Variants in TPST2 observed in about 807,000 individuals in gnomAD.
The protein encoded by TPST2 is tyrosylprotein sulfotransferase 2, also known as protein-tyrosine sulfotransferase 2.
Under a neutral mutation model 27.8 loss-of-function variants are expected in TPST2, and 16 were observed. That is an observed-to-expected ratio of 0.58 (90% CI 0.39 to 0.88). TPST2 has a LOEUF of 0.88. Among genes scored for constraint, TPST2 ranks in the 40% least tolerant of loss-of-function variants. TPST2 has a pLI of 0.00. For synonymous variants in TPST2, 229 were observed against 231.7 expected, an observed-to-expected ratio of 0.99 and a Z score of 0.10; for missense variants, 464 against 543.1, an observed-to-expected ratio of 0.85 and a Z score of 1.45.
intron 5 of TPST2, 51 bp downstream of exon 5, chr22:26,532,644 G>A (rs1242826806): frequency 5.7e-6 from 9 of 1,573,834 alleles, no homozygotes; most frequent in Admixed American, 5.1e-5. Context: ...CAGCCAGATG[G>A]TGGTATAGCT....
chr22:26,586,213 T>A (rs2145944162), intron 1 of TPST2, among the ~76,000 whole-genome samples: 1 of 152,094 alleles, frequency 6.6e-6, no homozygotes. Context: ...CGTCTCCATG[T>A]CCCTAGGCTG....
chr22:26,588,218 G>T (rs938879700), intron 1 of TPST2, among the ~76,000 whole-genome samples: 1 of 148,664 alleles, frequency 6.7e-6, no homozygotes, highest in African/African-American at 2.5e-5. Flanking sequence ...AAAAAGGAAT[G>T]AAGTACTGAT....
chr22:26,529,665 T>G (rs1021724453), intron 5 of TPST2, among the ~76,000 whole-genome samples: 1 of 152,228 alleles, frequency 6.6e-6, no homozygotes, highest in African/African-American at 2.4e-5. Context: ...GGCATGGATG[T>G]TCTGTGACCC....
intron 2 of TPST2, among the ~76,000 whole-genome samples, chr22:26,543,847 G>C (rs1432730433): frequency 6.6e-6 from 1 of 152,158 alleles, no homozygotes; most frequent in Non-Finnish European, 1.5e-5. Flanking sequence ...AGAAAAAGCA[G>C]GGTGACTTGG....
intron 2 of TPST2, among the ~76,000 whole-genome samples, chr22:26,542,326 T>A (rs1188004173): frequency 6.7e-6 from 1 of 148,644 alleles, no homozygotes; most frequent in East Asian, 2.0e-4. Context: ...GCTCAAGCAA[T>A]CCTCTGCCTC....
intron 1 of TPST2, among the ~76,000 whole-genome samples, chr22:26,558,913 A>G (rs1355066197): frequency 6.6e-6 from 1 of 152,252 alleles, no homozygotes; most frequent in Non-Finnish European, 1.5e-5. Flanking sequence ...GCTAAGCCAC[A>G]CTGGAGCCAA....
intron 4 of TPST2, among the ~76,000 whole-genome samples, chr22:26,533,020 A>C (rs535166537): frequency 6.6e-6 from 1 of 152,162 alleles, no homozygotes; most frequent in African/African-American, 2.4e-5. Context: ...AAACACAGAT[A>C]AACAAGGACA....
intron 1 of TPST2, among the ~76,000 whole-genome samples, chr22:26,569,725 G>C (rs193020066): frequency 2.0e-5 from 3 of 152,058 alleles, no homozygotes; most frequent in Non-Finnish European, 2.9e-5. Flanking sequence ...TGAGGCAGGA[G>C]GATCACCTGA....
intron 4 of TPST2, among the ~76,000 whole-genome samples, chr22:26,533,794 C>T (rs538022319): frequency 2.0e-5 from 3 of 152,108 alleles, no homozygotes; most frequent in South Asian, 2.1e-4. Context: ...CCCACCTCAG[C>T]CTTCTGAGTA....
chr22:26,548,722 A>G (rs1266762717), intron 1 of TPST2, among the ~76,000 whole-genome samples: 1 of 139,582 alleles, frequency 7.2e-6, no homozygotes, highest in Non-Finnish European at 1.6e-5. Context: ...CAGCACTTTG[A>G]GGGCTGAGGC....
intron 1 of TPST2, among the ~76,000 whole-genome samples, chr22:26,572,593 G>T (rs1474100877): frequency 5.3e-5 from 8 of 152,088 alleles, no homozygotes; most frequent in Non-Finnish European, 1.2e-4. Flanking sequence ...CTCAGCTAAA[G>T]TATCTCCTTC....
rs761692971 is a variant in TPST2, at chr22:26,541,329, C to T, written c.302G>A (p.Arg101His). The stretch of plus-strand genomic sequence containing the variant: ...CATGGCCAGCACGCGCGGGATGATG[C>T]GGGTCTCCTCGCCGCAGCGCACCTC... The part of the protein sequence containing the change: ...HPEVRCGEET[R>H]IIPRVLAMRQ... The change falls in exon 3 of 7, where the codon CGC becomes CAC. Residue 101 changes from arginine (R) to histidine (H), a missense_variant. Physicochemically the swap from Arg to His is conservative, Grantham distance 29. Coordinates refer to ENST00000338754, the MANE Select transcript of TPST2 (RefSeq NM_003595.5). The surrounding 1 kb of genome is among the most constrained non-coding windows in gnomAD (Gnocchi z 5.9). 2 of 1,547,692 alleles carry T rather than the reference C, an allele frequency of 1.3e-6. No individual in the cohort carries two copies. The highest frequency in any genetic ancestry group is 1.7e-6 in the Non-Finnish European group (2 of 1,145,150).
intron 1 of TPST2, among the ~76,000 whole-genome samples, chr22:26,580,750 G>A (rs1928069426): frequency 6.6e-6 from 1 of 152,102 alleles, no homozygotes; most frequent in Non-Finnish European, 1.5e-5. Context: ...CAAAGGAGCC[G>A]GTTGTGTCCG....
chr22:26,588,511 C>A (rs1185110922), intron 1 of TPST2, among the ~76,000 whole-genome samples: 22 of 152,162 alleles, frequency 1.4e-4, no homozygotes. Flanking sequence ...GAAACATATA[C>A]TTTAAAAGGG....
At chr22:26,571,787 G>T (rs944550898) in intron 1 of TPST2, among the ~76,000 whole-genome samples, 1 of 152,122 alleles carries the variant, frequency 6.6e-6, no homozygotes, top group African/African-American at 2.4e-5. Flanking sequence ...AGAAACCCAA[G>T]ATCATGAACC....
chr22:26,536,354 A>G lies in TPST2; in HGVS notation c.975T>C (p.Tyr325=), dbSNP rs1405150976. 1 of 1,611,970 alleles carries G rather than the reference A, an allele frequency of 6.2e-7. No homozygotes were observed. The highest frequency in any genetic ancestry group is 8.5e-7 in the Non-Finnish European group (1 of 1,178,048). ...QIAPMLAQLG[Y]DPYANPPNYG... The stretch of plus-strand genomic sequence containing the variant: ...AGTTGGGGGGGTTTGCATAAGGGTC[A>G]TAGCCGAGCTGAGCCAGCATGGGGG... The change falls in exon 4 of 7, where the codon TAT becomes TAC. Residue 325 remains tyrosine (Y), a synonymous_variant. Coordinates refer to ENST00000338754, the MANE Select transcript of TPST2 (RefSeq NM_003595.5).
chr22:26,561,054 A>C, intron 1 of TPST2: 1 of 1,587,406 alleles, frequency 6.3e-7, no homozygotes, highest in South Asian at 1.1e-5. Context: ...GGGAGTTGTC[A>C]AGGCTGAAAA....
At chr22:26,548,530 G>C (rs1203440075) in intron 1 of TPST2, among the ~76,000 whole-genome samples, 1 of 35,162 alleles carries the variant, frequency 2.8e-5, no homozygotes, top group Non-Finnish European at 5.4e-5. Context: ...AAGAAGAAAA[G>C]CAAGGAAGGA....
intron 3 of TPST2, among the ~76,000 whole-genome samples, chr22:26,536,822 G>A (rs1328431919): frequency 6.6e-6 from 1 of 152,182 alleles, no homozygotes; most frequent in African/African-American, 2.4e-5. Flanking sequence ...ACTTCAGAAA[G>A]CCAAGGCAGA....
Sources: gnomAD v4.1 joint callset for allele counts (sites outside exome capture counted in the v4.1 genomes callset) on GRCh38, gnomAD v4.1.1 for gene constraint, Gnocchi (gnomAD v3.1) non-coding constraint, MANE v1.5 for transcripts, NCBI Gene and HGNC (gene_info 2026-07-23, HGNC 2026-07-21) for gene names.